Variants in IGF2BP2 observed in about 807,000 individuals in gnomAD.
IGF2BP2 encodes insulin-like growth factor 2 mRNA-binding protein 2.
A neutral mutation model predicts 75.8 loss-of-function variants in IGF2BP2; 17 were observed. The ratio of observed to expected loss-of-function variants is 0.22; its 90% confidence interval spans 0.15 to 0.34. The LOEUF is 0.34. Among genes scored for constraint, IGF2BP2 ranks in the 10% least tolerant of loss-of-function variants. IGF2BP2 has a pLI of 1.00. For missense variants in IGF2BP2, 516 were observed against 772.4 expected (o/e 0.67, Z 3.93); for synonymous variants, 288 against 295.6 (o/e 0.97, Z 0.26).
At chr3:185,779,227 T>G (rs1033097535) in intron 2 of IGF2BP2, among the ~76,000 whole-genome samples, 1 of 152,130 alleles carries the variant, frequency 6.6e-6, no homozygotes, top group South Asian at 2.1e-4. Flanking sequence ...CATGGCAGCA[T>G]GTACCAAGCT....
intron 2 of IGF2BP2, among the ~76,000 whole-genome samples, chr3:185,791,009 C>G (rs1736573300): frequency 6.6e-6 from 1 of 152,202 alleles, no homozygotes; most frequent in African/African-American, 2.4e-5. Context: ...ATTCTGCCCC[C>G]AGAAATGGCT....
chr3:185,702,640 G>A (rs893539175), intron 2 of IGF2BP2, among the ~76,000 whole-genome samples: 5 of 152,018 alleles, frequency 3.3e-5, no homozygotes, highest in Admixed American at 6.5e-5. Flanking sequence ...TCTTTGGCCT[G>A]CACCTCCCCC....
chr3:185,779,794 C>T (rs1168951637), intron 2 of IGF2BP2, among the ~76,000 whole-genome samples: 2 of 152,112 alleles, frequency 1.3e-5, no homozygotes, highest in Non-Finnish European at 2.9e-5. Flanking sequence ...GGGCAAGAAA[C>T]CAAAGTATAA....
chr3:185,809,077 C>G (rs192309760), intron 2 of IGF2BP2, among the ~76,000 whole-genome samples: 117 of 151,506 alleles, frequency 7.7e-4, no homozygotes, highest in Non-Finnish European at 1.2e-3. Flanking sequence ...TTGCAATAAG[C>G]GAATAGCTAG....
At chr3:185,648,795 CA>C (rs1714055008) in intron 14 of IGF2BP2, among the ~76,000 whole-genome samples, 1 of 152,154 alleles carries the variant, frequency 6.6e-6, no homozygotes, top group Non-Finnish European at 1.5e-5. Context: ...GATGATCTTT[CA>C]AAAAACAATC....
At chr3:185,698,383 C>T (rs1432837292) in intron 2 of IGF2BP2, 36 bp from the exon 3 acceptor site, 5 of 1,589,438 alleles carry the variant, frequency 3.1e-6, no homozygotes, top group Non-Finnish European at 3.5e-6. Context: ...AACACTTTCT[C>T]CAGGACACAA....
intron 6 of IGF2BP2, among the ~76,000 whole-genome samples, chr3:185,688,811 T>C (rs193158250): frequency 1.3e-5 from 2 of 152,330 alleles, no homozygotes; most frequent in African/African-American, 4.8e-5. Flanking sequence ...CTTAGGAAGA[T>C]ACAAAAATCA....
At chr3:185,674,421 T>A (rs554036419) in intron 9 of IGF2BP2, among the ~76,000 whole-genome samples, 2 of 152,368 alleles carry the variant, frequency 1.3e-5, no homozygotes, top group South Asian at 4.1e-4. Flanking sequence ...GCTGGACTTT[T>A]GCTGATGGCC....
intron 2 of IGF2BP2, among the ~76,000 whole-genome samples, chr3:185,792,139 A>G (rs749717299): frequency 6.6e-6 from 1 of 152,234 alleles, no homozygotes; most frequent in Non-Finnish European, 1.5e-5. Flanking sequence ...ATCGGCTTGA[A>G]TACATGATCA....
In IGF2BP2 at chr3:185,718,684, CAAAAAAAAAAA is replaced by C. The variant is rs10699427; in HGVS notation, c.240-20348_240-20338del. On this transcript the variant is annotated intron_variant, in intron 2 of 15. Coordinates refer to ENST00000382199, the MANE Select transcript of IGF2BP2 (RefSeq NM_006548.6). ...TGGACAACAGAGCGAGACTCTGTCT[CAAAAAAAAAAA>C]AAAAAAAAAAAAAGAAAGTCAGAAA... Among the ~76,000 whole-genome samples the C allele has an allele frequency of 2.0e-4, 10 of 49,516 alleles. No homozygotes were observed. In the Middle Eastern group the frequency reaches 0.058, roughly 286 times the overall value. The allele number at this position is 49,516 out of a possible 152,430, so 32.5% of individuals were successfully genotyped here.
At chr3:185,677,068 T>TATATATATATATATATAGAGAG in intron 7 of IGF2BP2, among the ~76,000 whole-genome samples, 30 of 35,848 alleles carry the variant, frequency 8.4e-4, no homozygotes, top group South Asian at 3.3e-3. Flanking sequence ...TATATATATA[T>TATATATATATATATATAGAGAG]AGAGAGAGAG....
chr3:185,777,169 G>A (rs1734627357), intron 2 of IGF2BP2, among the ~76,000 whole-genome samples: 1 of 152,114 alleles, frequency 6.6e-6, no homozygotes, highest in Non-Finnish European at 1.5e-5. Flanking sequence ...CTTGGAAACT[G>A]CAACTTTAAG....
rs111775420 is a variant in IGF2BP2, at chr3:185,765,152, G to C, written c.239+58001C>G. Among the ~76,000 whole-genome samples the C allele has an allele frequency of 3.1e-3, 472 of 152,262 alleles. 4 individuals carry two copies. The highest frequency in any genetic ancestry group is 0.01 in the African/African-American group (433 of 41,540). ...GTGATGGCCTCAAAATAGAAAGCAA[G>C]TTTAAAGTTTTATTTTTCTGTCCCA... On this transcript the variant is annotated intron_variant, in intron 2 of 15. Transcript: ENST00000382199.
At chr3:185,807,015 G>A (rs947284626) in intron 2 of IGF2BP2, among the ~76,000 whole-genome samples, 3 of 152,040 alleles carry the variant, frequency 2.0e-5, no homozygotes, top group African/African-American at 7.2e-5. Flanking sequence ...GTAGATCATG[G>A]CTAACCACAG....
chr3:185,733,033 T>C (rs540595200), intron 2 of IGF2BP2, among the ~76,000 whole-genome samples: 1 of 152,314 alleles, frequency 6.6e-6, no homozygotes, highest in African/African-American at 2.4e-5. Flanking sequence ...CTATACTGCA[T>C]TCTCCTGCTT....
At chr3:185,727,509 T>C (rs578161251) in intron 2 of IGF2BP2, among the ~76,000 whole-genome samples, 5 of 152,272 alleles carry the variant, frequency 3.3e-5, no homozygotes, top group East Asian at 1.9e-4. Flanking sequence ...GTGCTGTGGA[T>C]GAGAACACCT....
At chr3:185,677,066 TATAGAGAGAGAGAGAGAG>T (rs1719629181) in intron 7 of IGF2BP2, among the ~76,000 whole-genome samples, 1 of 38,414 alleles carries the variant, frequency 2.6e-5, no homozygotes. Context: ...TATATATATA[TATAGAGAGAGAGAGAGAG>T]AGAGAGAGAG....
chr3:185,712,947 A>T (rs556163837), intron 2 of IGF2BP2, among the ~76,000 whole-genome samples: 1 of 152,318 alleles, frequency 6.6e-6, no homozygotes, highest in African/African-American at 2.4e-5. Flanking sequence ...TTACGCTTAC[A>T]CTTTCATTAC....
chr3:185,732,821 A>AAT, intron 2 of IGF2BP2, among the ~76,000 whole-genome samples: 1 of 152,342 alleles, frequency 6.6e-6, no homozygotes, highest in African/African-American at 2.4e-5. Flanking sequence ...AATGTGTGGG[A>AAT]ATAAAGGATG....
Sources: allele counts gnomAD v4.1 joint callset (sites outside exome capture counted in the v4.1 genomes callset), GRCh38; gene constraint gnomAD v4.1.1; transcripts MANE v1.5; gene names NCBI Gene and HGNC (gene_info 2026-07-23, HGNC 2026-07-21).